The following RASAL2 variants were observed in gnomAD, a reference collection of about 807,000 sequenced individuals.
The protein encoded by RASAL2 is RAS protein activator like 2, also known as ras GTPase-activating protein nGAP.
A neutral mutation model predicts 128.9 loss-of-function variants in RASAL2; 58 were observed. The observed-to-expected ratio is 0.45, with a 90% CI of 0.36 to 0.56. RASAL2 has a LOEUF of 0.56. RASAL2 is among the 20% of genes least tolerant of loss of function. RASAL2 has a pLI of 0.00. For synonymous variants in RASAL2, 561 were observed against 580.8 expected, an observed-to-expected ratio of 0.97 and a Z score of 0.49; for missense variants, 1,360 against 1,601.6, an observed-to-expected ratio of 0.85 and a Z score of 2.57.
intron 1 of RASAL2, among the ~76,000 whole-genome samples, chr1:178,248,734 G>A (rs1664903266): frequency 1.3e-5 from 2 of 152,030 alleles, no homozygotes; most frequent in Non-Finnish European, 2.9e-5. Flanking sequence ...GTAAGGCCTT[G>A]TGGTGACAAA....
intron 1 of RASAL2, among the ~76,000 whole-genome samples, chr1:178,266,542 C>T (rs550246897): frequency 2.0e-5 from 3 of 152,148 alleles, no homozygotes; most frequent in South Asian, 2.1e-4. Flanking sequence ...ACACCAAATT[C>T]GATAAGACGA....
intron 4 of RASAL2, among the ~76,000 whole-genome samples, chr1:178,395,020 C>A (rs1383139566): frequency 6.6e-6 from 1 of 152,072 alleles, no homozygotes; most frequent in Non-Finnish European, 1.5e-5. Context: ...TCTATAAGAT[C>A]CTATGTAAGT....
At chr1:178,169,972 G>A (rs963640629) in intron 1 of RASAL2, among the ~76,000 whole-genome samples, 2 of 151,962 alleles carry the variant, frequency 1.3e-5, no homozygotes, top group Admixed American at 6.6e-5. Context: ...AAGTGATTAT[G>A]AATACATTTA....
At chr1:178,141,205 T>C (rs6676618) in intron 1 of RASAL2, among the ~76,000 whole-genome samples, 88 of 140,018 alleles carry the variant, frequency 6.3e-4, no homozygotes, top group African/African-American at 2.0e-3. Flanking sequence ...TTTTTTTTTT[T>C]TTTTTTTTTT....
chr1:178,318,955 C>T (rs1202590554), intron 3 of RASAL2, among the ~76,000 whole-genome samples: 2 of 152,028 alleles, frequency 1.3e-5, no homozygotes, highest in Admixed American at 6.6e-5. Flanking sequence ...CCATGTTTAG[C>T]ACTTCCTTCA....
chr1:178,354,916 A>T (rs560799644), intron 3 of RASAL2, among the ~76,000 whole-genome samples: 5 of 152,318 alleles, frequency 3.3e-5, no homozygotes, highest in African/African-American at 1.2e-4. Context: ...TTCCAGTTTT[A>T]AAAATCTTGT....
At chr1:178,404,990 C>G (rs1454190155) in intron 4 of RASAL2, among the ~76,000 whole-genome samples, 1 of 152,090 alleles carries the variant, frequency 6.6e-6, no homozygotes, top group East Asian at 1.9e-4. Flanking sequence ...CCGAGAAATG[C>G]ACATTTTAAA....
rs1211706406 is a variant in RASAL2 at position 178,192,928 on chromosome 1, C to T, written c.203-90636C>T. Among the ~76,000 whole-genome samples, 3 of 152,028 alleles carry T rather than the reference C, an allele frequency of 2.0e-5. No homozygotes were observed. The East Asian group carries it at 5.8e-4, about 29-fold the overall frequency. On this transcript the variant is annotated intron_variant, in intron 1 of 17. Transcript: ENST00000367649. ...TACTTCTTGGGTATGTGCACATTTC[C>T]AGTTCCCACAGAGAAGCCGATCCCT...
At chr1:178,241,002 T>C (rs1191694565) in intron 1 of RASAL2, among the ~76,000 whole-genome samples, 1 of 151,962 alleles carries the variant, frequency 6.6e-6, no homozygotes, top group Non-Finnish European at 1.5e-5. Flanking sequence ...TGTCACATTG[T>C]TCTAATTGAC....
intron 1 of RASAL2, among the ~76,000 whole-genome samples, chr1:178,215,070 A>G (rs1405155270): frequency 6.6e-6 from 1 of 152,146 alleles, no homozygotes; most frequent in African/African-American, 2.4e-5. Context: ...ATGTTATCTC[A>G]TGTGTAAGTT....
rs190481635 is a variant in RASAL2 at position 178,420,379 on chromosome 1, T to C, written c.565-132T>C. ...TTCAAGTGACTATTATTTACAAAAT[T>C]AAAAAGCTTAAAAGCTAGTTTCTAT... On this transcript the variant is annotated intron_variant, in intron 4 of 17. Coordinates refer to ENST00000367649, the MANE Select transcript of RASAL2 (RefSeq NM_170692.4). 4 of 519,988 alleles carry C rather than the reference T, an allele frequency of 7.7e-6. No individual in the cohort carries two copies. In the Admixed American group the frequency reaches 1.6e-4, roughly 20 times the overall value. The allele number at this position is 519,988 out of a possible 1,614,324, so 32.2% of individuals were successfully genotyped here.
intron 4 of RASAL2, among the ~76,000 whole-genome samples, chr1:178,398,143 T>G (rs562711783): frequency 2.0e-5 from 3 of 152,262 alleles, no homozygotes; most frequent in Admixed American, 2.0e-4. Context: ...TAATCGTTTC[T>G]GATACTTTGC....
chr1:178,261,601 C>T (rs1425008609), intron 1 of RASAL2, among the ~76,000 whole-genome samples: 1 of 152,082 alleles, frequency 6.6e-6, no homozygotes, highest in Non-Finnish European at 1.5e-5. Context: ...TACTTCATAA[C>T]ACAGAGGAAC....
intron 6 of RASAL2, among the ~76,000 whole-genome samples, chr1:178,440,374 G>A (rs1676552045): frequency 6.6e-6 from 1 of 151,802 alleles, no homozygotes. Context: ...CAATCTGCAT[G>A]CATATCCAAA....
intron 1 of RASAL2, among the ~76,000 whole-genome samples, chr1:178,198,379 G>A (rs1662747249): frequency 6.6e-6 from 1 of 152,044 alleles, no homozygotes; most frequent in African/African-American, 2.4e-5. Context: ...GGGGCACTCT[G>A]GTTTTTAGAA....
chr1:178,259,122 CTTTTTTTTTTTTT>C (rs59978357), intron 1 of RASAL2, among the ~76,000 whole-genome samples: 10 of 70,546 alleles, frequency 1.4e-4, no homozygotes, highest in East Asian at 1.0e-3. Context: ...AATGAAACTT[CTTTTTTTTTTTTT>C]TTTTTTTTTT....
chr1:178,377,565 A>G (rs1226427320), intron 3 of RASAL2, among the ~76,000 whole-genome samples: 3 of 152,200 alleles, frequency 2.0e-5, no homozygotes, highest in Non-Finnish European at 4.4e-5. Context: ...TGAAAGGCCT[A>G]TGTCATTCTT....
intron 1 of RASAL2, among the ~76,000 whole-genome samples, chr1:178,199,321 C>G (rs1241038301): frequency 2.6e-5 from 4 of 152,182 alleles, no homozygotes; most frequent in African/African-American, 9.7e-5. Flanking sequence ...CACTTTCTGA[C>G]CAGTCCCAAT....
intron 4 of RASAL2, among the ~76,000 whole-genome samples, chr1:178,416,121 C>T (rs1674736318): frequency 6.6e-6 from 1 of 152,048 alleles, no homozygotes; most frequent in Non-Finnish European, 1.5e-5. Context: ...TGCCTTTGTT[C>T]TGTGTCCTTA....
Sources: gnomAD v4.1 joint callset for allele counts (sites outside exome capture counted in the v4.1 genomes callset) on GRCh38, gnomAD v4.1.1 for gene constraint, MANE v1.5 for transcripts, NCBI Gene and HGNC (gene_info 2026-07-23, HGNC 2026-07-21) for gene names.